CD72: variants seen among roughly 807,000 people sequenced by gnomAD.
CD72 encodes the protein CD72 molecule, also known as B-cell differentiation antigen CD72.
CD72 carries 28 observed loss-of-function variants against 50.7 expected under a neutral mutation model. The ratio of observed to expected loss-of-function variants is 0.55; its 90% CI spans 0.41 to 0.76. The LOEUF is 0.76. CD72 is among the 30% of genes least tolerant of loss of function. The pLI, the probability that CD72 is intolerant of heterozygous loss-of-function variation, is 0.00. For synonymous variants in CD72, 176 were observed against 171.2 expected, an observed-to-expected ratio of 1.03 and a Z score of -0.22; for missense variants, 403 against 420.6, an observed-to-expected ratio of 0.96 and a Z score of 0.37.
chr9:35,625,124 G>A (rs1008632350), intron 1 of CD72, among the ~76,000 whole-genome samples: 7 of 152,338 alleles, frequency 4.6e-5, no homozygotes, highest in Non-Finnish European at 1.0e-4. Context: ...TAGTGAGGAA[G>A]GCATGTCCAA....
chr9:35,617,006 G>A (rs188178977), intron 3 of CD72, 170 bp downstream of exon 3: 90 of 1,452,206 alleles, frequency 6.2e-5, no homozygotes, highest in East Asian at 2.5e-4. Context: ...GTGCACGTCG[G>A]ATTCAGGCGC....
chr9:35,618,011 G>C lies in CD72; in HGVS notation c.190+3C>G. On this transcript the variant is annotated splice_donor_region_variant and intron_variant, in intron 2 of 8. Coordinates refer to ENST00000259633, the MANE Select transcript of CD72 (RefSeq NM_001782.3). ...AAACACACATCCCCCAGGCTCTCCA[G>C]ACCTGCTTTGTCCCCTAGTACAGAA... The C allele has an allele frequency of 6.3e-7, 1 of 1,581,204 alleles. No individual in the cohort carries two copies. Among genetic ancestry groups the C allele is most frequent in the Non-Finnish European group, 8.7e-7 (1 of 1,149,996 alleles).
chr9:35,611,788 G>A lies in CD72; in HGVS notation c.950+16C>T, dbSNP rs1041808491. 2.2e-6 allele frequency: 3 copies of A among 1,363,606 alleles called. No individual in the cohort carries two copies. Among genetic ancestry groups the A allele is most frequent in the Non-Finnish European group, 3.2e-6 (3 of 951,608 alleles). 84.5% of individuals were successfully genotyped at this position (1,363,606 alleles called of 1,614,324 possible). ...ATTATGGAGTTGAAAATACCCAGAAGTCCTAACAAACTTACCTAGTGCGTT... is the reference window on the plus strand; with the variant it reads ...ATTATGGAGTTGAAAATACCCAGAAATCCTAACAAACTTACCTAGTGCGTT... On this transcript the variant is annotated intron_variant, in intron 7 of 8. Transcript: ENST00000259633.
At chr9:35,624,970 T>A (rs1823182984) in intron 1 of CD72, among the ~76,000 whole-genome samples, 1 of 152,132 alleles carries the variant, frequency 6.6e-6, no homozygotes, top group Admixed American at 6.6e-5. Context: ...TCTTGCTCCC[T>A]CTCCTTGGGT....
rs146592268 is a variant in CD72 at position 35,626,212 on chromosome 9, A to G, written n.409-8091T>C. On this transcript the variant is annotated intron_variant and non_coding_transcript_variant, in intron 1 of 3. Coordinates refer to the CD72 transcript ENST00000465754. ...TCAACATTAACAGGAGTTTGGAAGA[A>G]CTTGATTTCAACCCTCATGGATGAC... Among the ~76,000 whole-genome samples the G allele has an allele frequency of 5.7e-3, 865 of 151,776 alleles. 7 individuals are homozygous for G. Among genetic ancestry groups the G allele is most frequent in the Non-Finnish European group, 9.8e-3 (665 of 67,972 alleles).
chr9:35,622,795 T>A (rs7046802), upstream of CD72, among the ~76,000 whole-genome samples: 60,545 of 146,114 alleles, frequency 0.41, 12,697 homozygotes, highest in South Asian at 0.52. Flanking sequence ...TCAAAAAAAA[T>A]AATAATAATA....
At chr9:35,628,364 C>T (rs892321159) in intron 1 of CD72, among the ~76,000 whole-genome samples, 5 of 152,118 alleles carry the variant, frequency 3.3e-5, no homozygotes, top group Admixed American at 2.6e-4. Flanking sequence ...AGGCTGAGGC[C>T]GGTGGATTAC....
chr9:35,621,593 T>A (rs1358447942), upstream of CD72, among the ~76,000 whole-genome samples: 1 of 152,166 alleles, frequency 6.6e-6, no homozygotes, highest in East Asian at 1.9e-4. Flanking sequence ...CCTGACAAAA[T>A]GTAGATGTGG....
At chr9:35,629,079 G>C (rs1042312027) in intron 1 of CD72, among the ~76,000 whole-genome samples, 8 of 151,798 alleles carry the variant, frequency 5.3e-5, no homozygotes, top group Non-Finnish European at 1.5e-5. Flanking sequence ...GGTCTCTCTA[G>C]TTGCCCAGGT....
intron 1 of CD72, among the ~76,000 whole-genome samples, chr9:35,644,864 G>A (rs2131795766): frequency 6.8e-6 from 1 of 147,556 alleles, no homozygotes; most frequent in South Asian, 2.2e-4. Flanking sequence ...CAGAACTCGT[G>A]ACTGCGAGAG....
chr9:35,636,878 C>T (rs894847995), intron 1 of CD72, among the ~76,000 whole-genome samples: 1 of 152,204 alleles, frequency 6.6e-6, no homozygotes, highest in African/African-American at 2.4e-5. Flanking sequence ...ACGGATACAT[C>T]CAGATGGCCT....
At position 35,636,374 on chromosome 9, in the gene CD72, A is replaced by G. The variant is rs951641733; in HGVS notation, n.408+10029T>C. Among the ~76,000 whole-genome samples the G allele has an allele frequency of 3.3e-5, 5 of 152,338 alleles. No homozygotes were observed. In the South Asian group the frequency reaches 1.0e-3, roughly 32 times the overall value. ...AATTAAACATTTAACTGAGGTCACA[A>G]GACCGAAGAGGAAATATGAAGCTGT... On this transcript the variant is annotated intron_variant and non_coding_transcript_variant, in intron 1 of 3. Coordinates refer to the CD72 transcript ENST00000465754.
chr9:35,639,674 A>C (rs1035975814), intron 1 of CD72, among the ~76,000 whole-genome samples: 2 of 152,214 alleles, frequency 1.3e-5, no homozygotes, highest in Non-Finnish European at 2.9e-5. Context: ...TCTCAGATAC[A>C]CTTAGTTTGA....
intron 1 of CD72, among the ~76,000 whole-genome samples, chr9:35,635,164 T>C (rs917420268): frequency 1.3e-5 from 2 of 152,200 alleles, no homozygotes; most frequent in Admixed American, 6.5e-5. Flanking sequence ...TTTCCTATAT[T>C]CTTAGAGTTT....
At position 35,618,132 on chromosome 9, in the gene CD72, G is replaced by A. The variant is rs779407268; in HGVS notation, c.83-11C>T. The stretch of plus-strand genomic sequence containing the variant: ...CATCAGCCCCTGGGTCTAGAGAGAA[G>A]AGAAAAGGGACCAAGGTGGGATTTG... On this transcript the variant is annotated splice_polypyrimidine_tract_variant and intron_variant, in intron 1 of 8. Transcript: ENST00000259633. The A allele has an allele frequency of 2.5e-6, 4 of 1,611,296 alleles. No homozygotes were observed. The South Asian group carries it at 4.4e-5, about 18-fold the overall frequency.
chr9:35,611,593 A>C, intron 7 of CD72, among the ~76,000 whole-genome samples: 1 of 152,200 alleles, frequency 6.6e-6, no homozygotes, highest in East Asian at 1.9e-4. Context: ...ACAAAAAAGT[A>C]TGTGCCAGGG....
intron 1 of CD72, among the ~76,000 whole-genome samples, chr9:35,628,295 A>C (rs1823213975): frequency 6.6e-6 from 1 of 152,158 alleles, no homozygotes; most frequent in African/African-American, 2.4e-5. Flanking sequence ...CTCCTTTTTA[A>C]ATAAACTATG....
At chr9:35,617,684 T>A (rs1343008313) in intron 2 of CD72, among the ~76,000 whole-genome samples, 2 of 152,168 alleles carry the variant, frequency 1.3e-5, no homozygotes, top group South Asian at 4.1e-4. Context: ...GGAATCTTTC[T>A]TCCTCCCCTG....
rs576796636 is a variant in CD72, at chr9:35,642,141, C to T, written n.408+4262G>A. 5.9e-5 allele frequency among the ~76,000 whole-genome samples: 9 copies of T among 152,304 alleles called. No homozygotes were observed. The East Asian group carries it at 1.7e-3, about 29-fold the overall frequency. On this transcript the variant is annotated intron_variant and non_coding_transcript_variant, in intron 1 of 3. Transcript: ENST00000465754. ...CTACAAAGGAACTTCCATCAGTATACAAGTTGAGGTCGGGATCAGTCACGG... is the reference window on the plus strand; with the variant it reads ...CTACAAAGGAACTTCCATCAGTATATAAGTTGAGGTCGGGATCAGTCACGG...
Sources: allele counts gnomAD v4.1 joint callset (sites outside exome capture counted in the v4.1 genomes callset), GRCh38; gene constraint gnomAD v4.1.1; transcripts MANE v1.5; gene names NCBI Gene and HGNC (gene_info 2026-07-23, HGNC 2026-07-21).